DNAH12: variants seen among roughly 807,000 people sequenced by gnomAD.
The protein encoded by DNAH12 is dynein axonemal heavy chain 12, also known as axonemal beta dynein heavy chain 12.
Under a neutral mutation model 371.5 loss-of-function variants are expected in DNAH12, and 285 were observed. That is an observed-to-expected ratio of 0.77 (90% CI 0.70 to 0.85). The LOEUF (loss-of-function observed/expected upper bound fraction) is 0.85, where lower values mean the gene tolerates loss of function less well. DNAH12 is among the 40% of genes least tolerant of loss of function. The pLI is 0.00. For synonymous variants in DNAH12, 1,200 were observed against 1,213.0 expected, an observed-to-expected ratio of 0.99 and a Z score of 0.22; for missense variants, 3,611 against 3,689.4, an observed-to-expected ratio of 0.98 and a Z score of 0.55.
chr3:57,441,799 A>G (rs1655155020), intron 29 of DNAH12, among the ~76,000 whole-genome samples: 1 of 152,186 alleles, frequency 6.6e-6, no homozygotes, highest in Non-Finnish European at 1.5e-5. Flanking sequence ...CTAAAAAAAG[A>G]AAAGAAAAAG....
chr3:57,295,562 A>C lies in DNAH12; in HGVS notation c.11655T>G (p.Leu3885=), dbSNP rs1373308268. Residue 3885 remains leucine, a synonymous_variant, in exon 73 of 74, where the codon CTT becomes CTG. Coordinates refer to ENST00000495027, the MANE Select transcript of DNAH12 (RefSeq NM_001366028.2). ...SGLLAEQYPK[L]LFDLMPIIWI... ...ATATGATGGGCATCAGGTCAAACAG[A>C]AGTTTGGGATATTGTTCAGCAAGCA... 2 of 1,544,724 alleles carry C rather than the reference A, an allele frequency of 1.3e-6. No homozygotes were observed. Among genetic ancestry groups the C allele is most frequent in the Admixed American group, 4.1e-5 (2 of 49,244 alleles).
intron 69 of DNAH12, among the ~76,000 whole-genome samples, chr3:57,305,567 T>C (rs565251708): frequency 6.6e-6 from 1 of 152,178 alleles, no homozygotes; most frequent in Admixed American, 6.5e-5. Flanking sequence ...ATCCCACTTC[T>C]CCCAAATCAG....
In DNAH12 at chr3:57,433,405, T is replaced by C; in HGVS notation, c.4942A>G (p.Ile1648Val). 6.4e-7 allele frequency: 1 copy of C among 1,551,456 alleles called. No individual in the cohort carries two copies. The highest frequency in any genetic ancestry group is 8.7e-7 in the Non-Finnish European group (1 of 1,146,896). Residue 1648 changes from isoleucine (I) to valine (V), a missense_variant, in exon 32 of 74, where the codon ATA becomes GTA. By Grantham distance (29) the Ile-to-Val change is conservative (BLOSUM62 3). Transcript: ENST00000495027. Reference protein sequence around the residue: ...VFDGPIDTLWIESMNTVLDDN... With the variant: ...VFDGPIDTLWVESMNTVLDDN... Reference sequence around the variant, plus strand: ...TCCAATACTGTGTTCATGCTCTCTATCCACAAAGTGTCAATAGGACCATCA... The same window carrying C: ...TCCAATACTGTGTTCATGCTCTCTACCCACAAAGTGTCAATAGGACCATCA...
At position 57,438,283 on chromosome 3, in the gene DNAH12, C is replaced by T. The variant is rs530781902; in HGVS notation, c.4546-1223G>A. 2.0e-5 allele frequency among the ~76,000 whole-genome samples: 3 copies of T among 152,176 alleles called. No individual in the cohort carries two copies. In the East Asian group the frequency reaches 5.8e-4, roughly 29 times the overall value. The stretch of plus-strand genomic sequence containing the variant: ...CCAAGATTGCACCACTGCACTCCAG[C>T]CTGGGCAACAAGAGCGAAACTTCGT... On this transcript the variant is annotated intron_variant, in intron 29 of 73. Transcript: ENST00000495027.
intron 60 of DNAH12, among the ~76,000 whole-genome samples, chr3:57,345,485 CATG>C (rs1234394265): frequency 3.9e-5 from 6 of 152,088 alleles, no homozygotes; most frequent in Non-Finnish European, 5.9e-5. Flanking sequence ...ACACGAGAAC[CATG>C]AAGAGATCAC....
rs1553683751 is a variant in DNAH12, at chr3:57,413,785, G to A, written c.5981C>T (p.Pro1994Leu). Residue 1994 changes from proline to leucine, a missense_variant, in exon 39 of 74, where the codon CCT becomes CTT. By Grantham distance (98) the Pro-to-Leu change is moderately conservative. Transcript: ENST00000495027. ...PALEKYGAQP[P>L]IELLRQFFDC... ...AAAAAACTGTCGTAATAATTCAATAGGTGGTTGAGCTCCATACTTCTCCAA... is the reference window on the plus strand; with the variant it reads ...AAAAAACTGTCGTAATAATTCAATAAGTGGTTGAGCTCCATACTTCTCCAA... 1.3e-6 allele frequency: 2 copies of A among 1,550,952 alleles called. No homozygotes were observed. Among genetic ancestry groups the A allele is most frequent in the Admixed American group, 2.0e-5 (1 of 50,940 alleles).
Position 57,454,856 on chromosome 3 carries a change from C to G in DNAH12, c.3375G>C (p.Glu1125Asp). Residue 1125 changes from glutamate to aspartate, a missense_variant, in exon 23 of 74, where the codon GAG (glutamate) becomes GAC (aspartate). Around this residue, in one of 3 missense-constraint regions of DNAH12, gnomAD observed 1,314 missense variants for 1,398.7 expected, o/e 0.94. Coordinates refer to ENST00000495027, the MANE Select transcript of DNAH12 (RefSeq NM_001366028.2). ...PESARRDWVR[E>D]WPGQVVLCIS... ...TACAAAGTACAACTTGGCCAGGCCA[C>G]TCTCGAACCCAGTCTCTTCTTGCAG... is the stretch of plus-strand genomic sequence containing the variant. 1 of 1,551,260 alleles carries G rather than the reference C, an allele frequency of 6.4e-7. No individual in the cohort carries two copies. Among genetic ancestry groups the G allele is most frequent in the Non-Finnish European group, 8.7e-7 (1 of 1,146,742 alleles).
At chr3:57,465,505 A>G (rs1273050090) in intron 17 of DNAH12, among the ~76,000 whole-genome samples, 1 of 152,166 alleles carries the variant, frequency 6.6e-6, no homozygotes, top group African/African-American at 2.4e-5. Flanking sequence ...AACCTCAAAT[A>G]TCCTGAATGA....
chr3:57,398,021 A>G (rs893386690), intron 43 of DNAH12, among the ~76,000 whole-genome samples: 8 of 152,212 alleles, frequency 5.3e-5, no homozygotes, highest in African/African-American at 1.7e-4. Context: ...AAGATACTCA[A>G]TGAGCTGAAA....
chr3:57,447,741 C>T (rs542227360), intron 25 of DNAH12, among the ~76,000 whole-genome samples: 1 of 152,268 alleles, frequency 6.6e-6, no homozygotes, highest in South Asian at 2.1e-4. Flanking sequence ...GTGGTGAGAT[C>T]TTGACTAGGT....
In DNAH12 at chr3:57,301,989, C is replaced by T. The variant is rs692903; in HGVS notation, c.11190-50G>A. ...CAACATATATGATGATATCAACATACGGTCTTTCCAGAAGAAGAACAGCAG... is the reference window on the plus strand; with the variant it reads ...CAACATATATGATGATATCAACATATGGTCTTTCCAGAAGAAGAACAGCAG... On this transcript the variant is annotated intron_variant, in intron 69 of 73. Coordinates refer to ENST00000495027, the MANE Select transcript of DNAH12 (RefSeq NM_001366028.2). 2.8e-3 allele frequency: 4,182 copies of T among 1,505,582 alleles called. 11 individuals are homozygous for T. The highest frequency in any genetic ancestry group is 3.4e-3 in the Non-Finnish European group (3,751 of 1,112,022). The allele number at this position is 1,505,582 out of a possible 1,614,324, so 93.3% of individuals were successfully genotyped here. A position where few individuals can be genotyped will look rare whatever the true frequency, so the allele number is the denominator to read the frequency against.
chr3:57,500,049 T>A (rs2067482031), intron 11 of DNAH12, among the ~76,000 whole-genome samples: 2 of 151,632 alleles, frequency 1.3e-5, no homozygotes, highest in South Asian at 4.2e-4. Flanking sequence ...AATTACCTTT[T>A]TTTTTTTTTG....
intron 59 of DNAH12, among the ~76,000 whole-genome samples, chr3:57,356,900 G>A (rs954694838): frequency 2.0e-5 from 3 of 151,580 alleles, no homozygotes; most frequent in Non-Finnish European, 4.4e-5. Flanking sequence ...CCGCCACCAC[G>A]CCTGGCTAAT....
At chr3:57,535,657 C>T (rs1467703411) in intron 2 of DNAH12, among the ~76,000 whole-genome samples, 2 of 152,170 alleles carry the variant, frequency 1.3e-5, no homozygotes, top group South Asian at 2.1e-4. Context: ...ATTCTCCTGC[C>T]TCAGCCTCCC....
At chr3:57,315,110 G>C (rs2061658847) in intron 65 of DNAH12, among the ~76,000 whole-genome samples, 1 of 151,880 alleles carries the variant, frequency 6.6e-6, no homozygotes, top group Non-Finnish European at 1.5e-5. Flanking sequence ...TCTGCTTTGT[G>C]GCATCCCCGT....
intron 1 of DNAH12, 76 bp from the exon 2 acceptor site, chr3:57,542,979 A>G: frequency 9.1e-7 from 1 of 1,100,738 alleles, no homozygotes; most frequent in Non-Finnish European, 1.2e-6. Context: ...TAACATATCA[A>G]TACCAAAAGT....
rs149486540 is a variant in DNAH12 at position 57,415,122 on chromosome 3, T to C, written c.5853+304A>G. Among the ~76,000 whole-genome samples, 868 of 144,720 alleles carry C rather than the reference T, an allele frequency of 6.0e-3. 4 individuals are homozygous for C. The highest frequency in any genetic ancestry group is 0.019 in the African/African-American group (787 of 40,480). The allele number at this position is 144,720 out of a possible 152,430, so 94.9% of individuals were successfully genotyped here. A position where few individuals can be genotyped will look rare whatever the true frequency, so the allele number is the denominator to read the frequency against. Reference sequence around the variant, plus strand: ...GTCTCCCCACCCCTGCCCCACCCTATGTGTGTGTTTGTGTGTGTGTGAGTG... The same window carrying C: ...GTCTCCCCACCCCTGCCCCACCCTACGTGTGTGTTTGTGTGTGTGTGAGTG... On this transcript the variant is annotated intron_variant, in intron 38 of 73. Coordinates refer to ENST00000495027, the MANE Select transcript of DNAH12 (RefSeq NM_001366028.2).
In DNAH12 at chr3:57,331,657, G is replaced by A. The variant is rs545560344; in HGVS notation, c.9978+2808C>T. On this transcript the variant is annotated intron_variant, in intron 62 of 73. Coordinates refer to ENST00000495027, the MANE Select transcript of DNAH12 (RefSeq NM_001366028.2). ...TCTTTTAAAAAAAGAAGGAAGAAAC[G>A]AAGGGACTATTGCAATCACTTTCAA... Among the ~76,000 whole-genome samples, 162 of 152,210 alleles carry A rather than the reference G, an allele frequency of 1.1e-3. 1 individual carries two copies. The Middle Eastern group carries it at 0.014, about 13-fold the overall frequency.
chr3:57,435,059 G>A lies in DNAH12; in HGVS notation c.4656-1231C>T, dbSNP rs2065075710. ...GTATCAAATCAAGGGTAGGGTCATT[G>A]TATCACATTATTAAAACCTATGAAG... On this transcript the variant is annotated intron_variant, in intron 30 of 73. Transcript: ENST00000495027. 2.0e-5 allele frequency among the ~76,000 whole-genome samples: 3 copies of A among 152,160 alleles called. No homozygotes were observed. The South Asian group carries it at 6.2e-4, about 32-fold the overall frequency.
Sources: gnomAD v4.1 joint callset for allele counts (sites outside exome capture counted in the v4.1 genomes callset) on GRCh38, gnomAD v4.1.1 for gene constraint, gnomAD v4.1.1 regional missense constraint, MANE v1.5 for transcripts, NCBI Gene and HGNC (gene_info 2026-07-23, HGNC 2026-07-21) for gene names.